ASIP: variants seen among roughly 807,000 people sequenced by gnomAD.
ASIP encodes the protein agouti signaling protein, also known as agouti-signaling protein.
A neutral mutation model predicts 10.3 loss-of-function variants in ASIP; 11 were observed. That is an observed-to-expected ratio of 1.07 (90% CI 0.68 to 1.78). ASIP has a LOEUF of 1.78. Among genes scored for constraint, ASIP ranks in the 40% most tolerant of loss-of-function variants. The pLI is 0.00. For synonymous variants in ASIP, 70 were observed against 70.8 expected (o/e 0.99, Z 0.06); for missense variants, 180 against 169.2 (o/e 1.06, Z -0.35).
upstream of ASIP, among the ~76,000 whole-genome samples, chr20:34,240,933 C>T (rs935795281): frequency 6.6e-6 from 1 of 152,054 alleles, no homozygotes; most frequent in Non-Finnish European, 1.5e-5. Context: ...GAAGGCATGA[C>T]GTTTGCTTGG....
At chr20:34,208,986 T>C (rs1350448200) in intron 1 of ASIP, among the ~76,000 whole-genome samples, 1 of 152,258 alleles carries the variant, frequency 6.6e-6, no homozygotes, top group East Asian at 1.9e-4. Flanking sequence ...TTAATTTGTT[T>C]ATCAGTTCCA....
At chr20:34,239,590 A>G (rs1161682208), upstream of ASIP, among the ~76,000 whole-genome samples, 1 of 152,032 alleles carries the variant, frequency 6.6e-6, no homozygotes, top group African/African-American at 2.4e-5. Context: ...ACATTATCTC[A>G]TTGGATCCTC....
At position 34,269,152 on chromosome 20, in the gene ASIP, C is replaced by T. The variant is rs1226395280; in HGVS notation, c.384C>T (p.Leu128=). Residue 128 remains leucine (L), a synonymous_variant, in exon 4 of 4, where the codon CTC becomes CTT. Coordinates refer to ENST00000374954, the MANE Select transcript of ASIP (RefSeq NM_001672.3). The part of the protein sequence containing the change: ...FFRSACSCRV[L]SLNC ...GCAGCGCCTGCTCCTGCCGCGTGCTCAGCCTCAACTGCTGAGCGCCCCCAC... is the reference window on the plus strand; with the variant it reads ...GCAGCGCCTGCTCCTGCCGCGTGCTTAGCCTCAACTGCTGAGCGCCCCCAC... 1.3e-6 allele frequency: 2 copies of T among 1,543,682 alleles called. No individual in the cohort carries two copies.
At chr20:34,265,299 G>C (rs1281393443) in intron 3 of ASIP, among the ~76,000 whole-genome samples, 1 of 152,040 alleles carries the variant, frequency 6.6e-6, no homozygotes, top group Non-Finnish European at 1.5e-5. Flanking sequence ...GAGGTTGGCA[G>C]ATCACTTGAG....
intron 1 of ASIP, among the ~76,000 whole-genome samples, chr20:34,217,525 A>C (rs1280100586): frequency 6.6e-6 from 1 of 152,148 alleles, no homozygotes; most frequent in Non-Finnish European, 1.5e-5. Flanking sequence ...TTTATGTCTC[A>C]TCAGCCCTGG....
upstream of ASIP, among the ~76,000 whole-genome samples, chr20:34,191,437 C>T (rs2034823901): frequency 6.6e-6 from 1 of 152,104 alleles, no homozygotes; most frequent in Non-Finnish European, 1.5e-5. Flanking sequence ...CACTGTCATC[C>T]CCATTGAAGG....
chr20:34,211,196 G>T (rs6088430), intron 1 of ASIP, among the ~76,000 whole-genome samples: 38,134 of 151,812 alleles, frequency 0.25, 8,608 homozygotes, highest in African/African-American at 0.61. Flanking sequence ...TGCCTGGCTC[G>T]ATTTTTATTT....
At chr20:34,267,720 C>T (rs1218221102) in intron 3 of ASIP, among the ~76,000 whole-genome samples, 1 of 151,794 alleles carries the variant, frequency 6.6e-6, no homozygotes, top group Admixed American at 6.6e-5. Context: ...TTAGTAGAGA[C>T]GGGTTTCTCC....
chr20:34,189,555 G>A, the ASIP span, among the ~76,000 whole-genome samples: 2 of 152,102 alleles, frequency 1.3e-5, no homozygotes, highest in African/African-American at 4.8e-5. Flanking sequence ...CTCCCCCTAA[G>A]TATTAGGCAA....
upstream of ASIP, among the ~76,000 whole-genome samples, chr20:34,191,409 T>C (rs1302440033): frequency 6.6e-6 from 1 of 152,168 alleles, no homozygotes; most frequent in African/African-American, 2.4e-5. Context: ...GCAGTGCCTT[T>C]GCTTACCTCC....
chr20:34,196,971 A>G (rs2034861725), intron 1 of ASIP, among the ~76,000 whole-genome samples: 1 of 151,580 alleles, frequency 6.6e-6, no homozygotes, highest in Non-Finnish European at 1.5e-5. Context: ...AAGCAAAAAT[A>G]CTGAACTTAA....
At chr20:34,201,024 C>CT (rs1568744496) in intron 1 of ASIP, among the ~76,000 whole-genome samples, 15 of 82,532 alleles carry the variant, frequency 1.8e-4, no homozygotes, top group Non-Finnish European at 2.7e-4. Context: ...TTCCTTCTTT[C>CT]TTTCTTTCTT....
In ASIP at chr20:34,267,459, C is replaced by CAAAAA. The variant is rs953440256; in HGVS notation, c.223-1512_223-1508dup. ...GGGCGACAAGAGTGAAACTGGCTCT[C>CAAAAA]AAAAAAAAAAAAAAAAAAAAAAAAG... On this transcript the variant is annotated intron_variant, in intron 3 of 3. Transcript: ENST00000374954. Among the ~76,000 whole-genome samples the CAAAAA allele has an allele frequency of 5.6e-3, 256 of 46,114 alleles. 14 individuals carry two copies. The highest frequency in any genetic ancestry group is 0.014 in the Middle Eastern group (1 of 70). 30.3% of individuals were successfully genotyped at this position (46,114 alleles called of 152,430 possible). A position where few individuals can be genotyped will look rare whatever the true frequency, so the allele number is the denominator to read the frequency against.
intron 1 of ASIP, among the ~76,000 whole-genome samples, chr20:34,232,209 G>A (rs1014942571): frequency 2.6e-5 from 4 of 152,194 alleles, no homozygotes; most frequent in Non-Finnish European, 1.5e-5. Context: ...TTACTTCACA[G>A]CTCAAAGTTG....
intron 2 of ASIP, 66 bp downstream of exon 2, chr20:34,260,600 A>C: frequency 1.3e-6 from 2 of 1,498,660 alleles, no homozygotes; most frequent in Non-Finnish European, 1.8e-6. Context: ...CATGCTTCCC[A>C]GGGTGCTACC....
chr20:34,245,315 C>A lies in ASIP; in HGVS notation c.-11+3826C>A, dbSNP rs1233807075. ...TGCCATTGCACTCGAGCCTGGGCGA[C>A]AGTGTGAGACTCTGTCTCAAAAAAA... On this transcript the variant is annotated intron_variant, in intron 1 of 3. Transcript: ENST00000374954. Among the ~76,000 whole-genome samples, 10 of 130,084 alleles carry A rather than the reference C, an allele frequency of 7.7e-5. 1 individual carries two copies. In the Admixed American group the frequency reaches 8.2e-4, roughly 11 times the overall value. 85.3% of individuals were successfully genotyped at this position (130,084 alleles called of 152,430 possible).
rs2035171633 is a variant in ASIP, at chr20:34,235,672, T to C, written c.-10-24693T>C. On this transcript the variant is annotated intron_variant, in intron 1 of 3. Transcript: ENST00000568305. ...GGTAGCGCATGCCTGTGGCCCCTAC[T>C]ACTCAGGAGGCAGGGGTGGGAGGAT... Among the ~76,000 whole-genome samples, 3 of 150,788 alleles carry C rather than the reference T, an allele frequency of 2.0e-5. No individual in the cohort carries two copies. The Admixed American group carries it at 2.0e-4, about 10-fold the overall frequency.
intron 1 of ASIP, among the ~76,000 whole-genome samples, chr20:34,226,529 T>G (rs1207885456): frequency 6.6e-6 from 1 of 152,028 alleles, no homozygotes; most frequent in Non-Finnish European, 1.5e-5. Context: ...ATTTTTATAT[T>G]TTTTAGTAGA....
At chr20:34,187,368 T>G in the ASIP span, among the ~76,000 whole-genome samples, 1 of 152,210 alleles carries the variant, frequency 6.6e-6, no homozygotes, top group Non-Finnish European at 1.5e-5. Flanking sequence ...GGAATTTCTT[T>G]TCAACTTGTC....
Sources: allele counts gnomAD v4.1 joint callset (sites outside exome capture counted in the v4.1 genomes callset), GRCh38; gene constraint gnomAD v4.1.1; transcripts MANE v1.5; gene names NCBI Gene and HGNC (gene_info 2026-07-23, HGNC 2026-07-21).